ZNF782: variants seen among roughly 807,000 people sequenced by gnomAD.
The protein encoded by ZNF782 is zinc finger protein 782.
A neutral mutation model predicts 13.0 loss-of-function variants in ZNF782; 12 were observed. The observed-to-expected ratio is 0.92, with a 90% CI of 0.59 to 1.50. The LOEUF is 1.50. Ranked by LOEUF, ZNF782 falls within the 40% of genes most tolerant of loss-of-function variation. The pLI, the probability that ZNF782 is intolerant of heterozygous loss-of-function variation, is 0.00. For synonymous variants in ZNF782, 284 were observed against 283.0 expected, an observed-to-expected ratio of 1.00 and a Z score of -0.04; for missense variants, 770 against 822.9, an observed-to-expected ratio of 0.94 and a Z score of 0.79.
intron 4 of ZNF782, among the ~76,000 whole-genome samples, chr9:96,831,778 A>G (rs1850810340): frequency 6.6e-6 from 1 of 151,926 alleles, no homozygotes; most frequent in African/African-American, 2.4e-5. Flanking sequence ...GTTACCAATA[A>G]TTTTCTGTGC....
In ZNF782 at chr9:96,851,707, C is replaced by T. The variant is rs1851492089; in HGVS notation, c.15+240G>A. 2.0e-5 allele frequency among the ~76,000 whole-genome samples: 3 copies of T among 152,178 alleles called. 1 individual carries two copies. The South Asian group carries it at 6.2e-4, about 31-fold the overall frequency. ...ACACAGCTATAGATTTATTCTGATA[C>T]ATAAAAAGTATTTAATATAATTCAT... On this transcript the variant is annotated intron_variant, in intron 3 of 5. Coordinates refer to ENST00000481138, the MANE Select transcript of ZNF782 (RefSeq NM_001001662.3).
At chr9:96,916,371 T>C in the ZNF782 span, among the ~76,000 whole-genome samples, 1 of 151,772 alleles carries the variant, frequency 6.6e-6, no homozygotes, top group Admixed American at 6.6e-5. Flanking sequence ...ACACCTGTAG[T>C]CCCAACTACT....
chr9:96,849,526 C>A (rs2118784773), intron 3 of ZNF782, among the ~76,000 whole-genome samples: 1 of 152,316 alleles, frequency 6.6e-6, no homozygotes, highest in Middle Eastern at 3.4e-3. Context: ...CAAGATGGAT[C>A]AAAGACTTAA....
chr9:96,910,916 G>T, the ZNF782 span, among the ~76,000 whole-genome samples: 4 of 150,092 alleles, frequency 2.7e-5, no homozygotes, highest in African/African-American at 9.7e-5. Flanking sequence ...GATTACAGGC[G>T]TGAGCCATCG....
At chr9:96,842,670 T>C (rs1413523044) in intron 4 of ZNF782, among the ~76,000 whole-genome samples, 1 of 152,068 alleles carries the variant, frequency 6.6e-6, no homozygotes, top group Non-Finnish European at 1.5e-5. Flanking sequence ...AGTTCTTAGA[T>C]AGGACAACAT....
intron 3 of ZNF782, among the ~76,000 whole-genome samples, chr9:96,849,885 C>T (rs555774114): frequency 6.6e-6 from 1 of 152,088 alleles, no homozygotes; most frequent in Non-Finnish European, 1.5e-5. Flanking sequence ...ATACAAATGT[C>T]CAATAAACAC....
upstream of ZNF782, among the ~76,000 whole-genome samples, chr9:96,856,469 C>T (rs549108900): frequency 3.3e-5 from 5 of 152,318 alleles, no homozygotes; most frequent in East Asian, 3.9e-4. Flanking sequence ...CCCTTTCTCC[C>T]GCCCTCCCCA....
At chr9:96,919,951 T>C in the ZNF782 span, among the ~76,000 whole-genome samples, 1 of 151,516 alleles carries the variant, frequency 6.6e-6, no homozygotes, top group African/African-American at 2.4e-5. Context: ...TGGGGGAAAA[T>C]AGTAATATAA....
At chr9:96,856,993 G>C (rs143300388), upstream of ZNF782, among the ~76,000 whole-genome samples, 955 of 152,340 alleles carry the variant, frequency 6.3e-3, 5 homozygotes, top group Middle Eastern at 0.051. Context: ...CTGCACAGCA[G>C]CCACTGGGGG....
At chr9:96,913,280 A>C in the ZNF782 span, among the ~76,000 whole-genome samples, 48 of 152,056 alleles carry the variant, frequency 3.2e-4, no homozygotes, top group Non-Finnish European at 1.5e-5. Flanking sequence ...ACACCACTGC[A>C]CTACAGTCTG....
At chr9:96,888,698 C>T in the ZNF782 span, 1 of 152,344 alleles carries the variant, frequency 6.6e-6, no homozygotes, top group Non-Finnish European at 1.5e-5. Flanking sequence ...CAGCTGTGGC[C>T]ACTTTGCCCT....
At chr9:96,824,668 C>T (rs1235214011) in intron 5 of ZNF782, among the ~76,000 whole-genome samples, 1 of 132,290 alleles carries the variant, frequency 7.6e-6, no homozygotes, top group African/African-American at 2.9e-5. Flanking sequence ...ATTGTCTCAG[C>T]CCAAAATCTC....
upstream of ZNF782, among the ~76,000 whole-genome samples, chr9:96,857,110 T>C (rs1273897367): frequency 6.6e-6 from 1 of 152,236 alleles, no homozygotes; most frequent in Non-Finnish European, 1.5e-5. Context: ...ATATTCAAGC[T>C]TGACGTACTT....
intron 1 of ZNF782, among the ~76,000 whole-genome samples, chr9:96,872,565 A>G (rs1163656371): frequency 6.6e-6 from 1 of 152,040 alleles, no homozygotes; most frequent in Non-Finnish European, 1.5e-5. Flanking sequence ...TATGTTTTTA[A>G]CTCTTCTATT....
intron 1 of ZNF782, among the ~76,000 whole-genome samples, chr9:96,868,453 T>G (rs939834388): frequency 3.3e-5 from 5 of 152,246 alleles, no homozygotes; most frequent in African/African-American, 4.8e-5. Context: ...CTTGTCTTCA[T>G]GTGGAACTGG....
the ZNF782 span, among the ~76,000 whole-genome samples, chr9:96,906,218 C>A: frequency 6.6e-6 from 1 of 151,866 alleles, no homozygotes; most frequent in South Asian, 2.1e-4. Context: ...TTGATTTATC[C>A]TGCTATACTC....
In ZNF782 at chr9:96,816,552, G is replaced by A. The variant is rs1389405678; in HGVS notation, c.*1371C>T. 3.9e-5 allele frequency: 6 copies of A among 151,926 alleles called. No individual in the cohort carries two copies. The highest frequency in any genetic ancestry group is 1.2e-4 in the African/African-American group (5 of 41,356). 9.4% of individuals were successfully genotyped at this position (151,926 alleles called of 1,614,324 possible). On this transcript the variant is annotated 3_prime_UTR_variant, in exon 6 of 6. Coordinates refer to ENST00000481138, the MANE Select transcript of ZNF782 (RefSeq NM_001001662.3). The stretch of plus-strand genomic sequence containing the variant: ...TGTCTTATATTTCATTAAAAGTTTT[G>A]ATATTATATGTGAAACAACAGTTCT...
chr9:96,817,675 G>T lies in ZNF782; in HGVS notation c.*248C>A. The T allele has an allele frequency of 2.6e-6, 1 of 378,262 alleles. No individual in the cohort carries two copies. Among genetic ancestry groups the T allele is most frequent in the Non-Finnish European group, 4.7e-6 (1 of 213,088 alleles). The allele number at this position is 378,262 out of a possible 1,614,324, so 23.4% of individuals were successfully genotyped here. On this transcript the variant is annotated 3_prime_UTR_variant, in exon 6 of 6. Coordinates refer to ENST00000481138, the MANE Select transcript of ZNF782 (RefSeq NM_001001662.3). ...CAAGAGTATTTTCCATATTCATTAT[G>T]TTTATAGGGTTTCTTTGCTGTGTGA... is the stretch of plus-strand genomic sequence containing the variant.
chr9:96,898,587 C>T, the ZNF782 span, among the ~76,000 whole-genome samples: 156 of 148,296 alleles, frequency 1.1e-3, 8 homozygotes, highest in Middle Eastern at 3.4e-3. Context: ...CCCTCTATTG[C>T]CCAGGCTGCA....
Sources: gnomAD v4.1 joint callset for allele counts (sites outside exome capture counted in the v4.1 genomes callset) on GRCh38, gnomAD v4.1.1 for gene constraint, MANE v1.5 for transcripts, NCBI Gene and HGNC (gene_info 2026-07-23, HGNC 2026-07-21) for gene names.